Variants in ATP13A4 observed in about 807,000 individuals in gnomAD.
ATP13A4 encodes probable cation-transporting ATPase 13A4.
A neutral mutation model predicts 142.5 loss-of-function variants in ATP13A4; 114 were observed. The observed-to-expected ratio is 0.80, with a 90% CI of 0.69 to 0.93. The LOEUF is 0.93. Ranked by LOEUF, ATP13A4 falls within the 40% of genes least tolerant of loss-of-function variation. The pLI is 0.00. For synonymous variants in ATP13A4, 488 were observed against 514.8 expected, an observed-to-expected ratio of 0.95 and a Z score of 0.70; for missense variants, 1,392 against 1,454.0, an observed-to-expected ratio of 0.96 and a Z score of 0.69.
chr3:193,550,293 G>A (rs1723474014), intron 1 of ATP13A4, among the ~76,000 whole-genome samples: 1 of 151,256 alleles, frequency 6.6e-6, no homozygotes, highest in South Asian at 2.1e-4. Flanking sequence ...GTTAGAAAGT[G>A]GTGAATTTTA....
intron 15 of ATP13A4, 27 bp downstream of exon 15, chr3:193,457,352 G>C: frequency 6.2e-7 from 1 of 1,611,008 alleles, no homozygotes; most frequent in Non-Finnish European, 8.5e-7. Context: ...TTTGGGTGTT[G>C]TGGGGTGAAG....
intron 3 of ATP13A4, among the ~76,000 whole-genome samples, chr3:193,499,440 T>C (rs1035919128): frequency 3.3e-5 from 5 of 152,366 alleles, no homozygotes; most frequent in African/African-American, 4.8e-5. Flanking sequence ...CTACTATTTT[T>C]TGGGCATGTT....
intron 7 of ATP13A4, among the ~76,000 whole-genome samples, chr3:193,487,795 A>G (rs1460551127): frequency 6.6e-6 from 1 of 152,210 alleles, no homozygotes; most frequent in Admixed American, 6.5e-5. Flanking sequence ...GTATATGTAT[A>G]TATAGATGCA....
intron 2 of ATP13A4, among the ~76,000 whole-genome samples, chr3:193,573,267 A>ATATATATG (rs1724310786): frequency 1.0e-5 from 1 of 97,930 alleles, no homozygotes; most frequent in African/African-American, 5.0e-5. Context: ...AGCCATATAT[A>ATATATATG]TATATATACA....
chr3:193,438,355 C>T (rs1432566877), intron 23 of ATP13A4, 120 bp downstream of exon 23: 6 of 830,208 alleles, frequency 7.2e-6, no homozygotes, highest in Non-Finnish European at 1.2e-5. Flanking sequence ...TGCATTCTTC[C>T]ACAAAACACC....
intron 21 of ATP13A4, 82 bp downstream of exon 21, chr3:193,440,476 G>C (rs556168404): frequency 1.9e-6 from 3 of 1,599,206 alleles, no homozygotes; most frequent in South Asian, 1.1e-5. Flanking sequence ...GTCAAACTGA[G>C]TGACTCCTGG....
intron 18 of ATP13A4, among the ~76,000 whole-genome samples, chr3:193,444,223 A>T (rs1716814097): frequency 6.6e-6 from 1 of 152,228 alleles, no homozygotes; most frequent in African/African-American, 2.4e-5. Flanking sequence ...ACTTCAAATT[A>T]TCACAGATTT....
chr3:193,511,336 A>G (rs34637642), intron 2 of ATP13A4, among the ~76,000 whole-genome samples: 18,630 of 152,164 alleles, frequency 0.12, 1,374 homozygotes, highest in Non-Finnish European at 0.16. Flanking sequence ...TCTTTCCAGT[A>G]TATGTCCATT....
chr3:193,408,929 T>C (rs1365286817), intron 28 of ATP13A4, among the ~76,000 whole-genome samples: 1 of 152,230 alleles, frequency 6.6e-6, no homozygotes, highest in Middle Eastern at 3.2e-3. Flanking sequence ...ACTTGTCATC[T>C]ACATCTCAGA....
rs1409532639 is a variant in ATP13A4, at chr3:193,402,857, A to G, written c.3386T>C (p.Val1129Ala). ...CATCCACAGGGCTCGATTTTCAATA[A>G]CAGCCTCCTGCAAAATAAAATAATT... ...FIVSLVAEEAVIENRALWMMI... is the reference protein window; with the variant it reads ...FIVSLVAEEAAIENRALWMMI... The change falls in exon 30 of 30, where the codon GTT (valine) becomes GCT (alanine). Residue 1129 changes from valine (V) to alanine (A), a missense_variant. Val to Ala is a moderately conservative substitution (Grantham distance 64). Transcript: ENST00000342695. The G allele has an allele frequency of 2.7e-5, 43 of 1,613,856 alleles. No homozygotes were observed. Among genetic ancestry groups the G allele is most frequent in the Non-Finnish European group, 3.6e-5 (43 of 1,179,924 alleles).
At chr3:193,470,696 C>A (rs1718567333) in intron 9 of ATP13A4, among the ~76,000 whole-genome samples, 163 bp downstream of exon 9, 1 of 152,150 alleles carries the variant, frequency 6.6e-6, no homozygotes, top group South Asian at 2.1e-4. Flanking sequence ...GATCCATTCG[C>A]AGCAGGACTA....
At chr3:193,533,566 G>GA (rs375371918) in intron 1 of ATP13A4, among the ~76,000 whole-genome samples, 46 of 150,522 alleles carry the variant, frequency 3.1e-4, no homozygotes, top group African/African-American at 1.0e-3. Flanking sequence ...GCAGACCAAA[G>GA]AAAAAAAAAG....
Position 193,433,887 on chromosome 3 carries a change from G to A in ATP13A4, c.2800C>T (p.Leu934=), listed in dbSNP as rs574172304. 2.5e-6 allele frequency: 4 copies of A among 1,613,920 alleles called. No individual in the cohort carries two copies. The South Asian group carries it at 3.3e-5, about 13-fold the overall frequency. The change falls in exon 25 of 30, where the codon CTG becomes TTG. Residue 934 remains leucine, a synonymous_variant. Transcript: ENST00000342695. Reference sequence around the variant, plus strand: ...GTTGTAATGGCCAGATCCTGGAACAGAAACTGGTAATTTGAAAGGCTGTTT... The same window carrying A: ...GTTGTAATGGCCAGATCCTGGAACAAAAACTGGTAATTTGAAAGGCTGTTT... ...ETNSLSNYQF[L]FQDLAITTLI...
intron 2 of ATP13A4, among the ~76,000 whole-genome samples, chr3:193,571,278 C>CAAACAAAAAAAAAAA (rs771881194): frequency 1.0e-5 from 1 of 95,724 alleles, no homozygotes; most frequent in African/African-American, 5.0e-5. Flanking sequence ...GACCTTGTCT[C>CAAACAAAAAAAAAAA]AAAAAAAAAA....
chr3:193,568,149 C>T (rs901366692), intron 2 of ATP13A4, among the ~76,000 whole-genome samples: 26 of 151,912 alleles, frequency 1.7e-4, no homozygotes, highest in African/African-American at 5.6e-4. Flanking sequence ...TTAGTAGAGA[C>T]GGGTTTTCAC....
intron 23 of ATP13A4, 29 bp from the exon 24 acceptor site, chr3:193,435,773 T>C (rs1996735): frequency 0.77 from 1,203,669 of 1,570,332 alleles, 462,772 homozygotes; most frequent in Admixed American, 0.79. Context: ...GATAAAGACA[T>C]GAAAGTAATG....
In ATP13A4 at chr3:193,587,469, A is replaced by G. The variant is rs907945930; in HGVS notation, n.91+5552T>C. Among the ~76,000 whole-genome samples, 3 of 152,222 alleles carry G rather than the reference A, an allele frequency of 2.0e-5. No homozygotes were observed. The East Asian group carries it at 5.8e-4, about 29-fold the overall frequency. The stretch of plus-strand genomic sequence containing the variant: ...CATTTAGGGCCTACCTAGATAATCT[A>G]GTATAATCTCCCCATCTCAATATCC... On this transcript the variant is annotated intron_variant and non_coding_transcript_variant, in intron 1 of 3. Transcript: ENST00000489140.
chr3:193,538,596 C>T (rs931569355), intron 1 of ATP13A4, among the ~76,000 whole-genome samples: 1 of 151,570 alleles, frequency 6.6e-6, no homozygotes, highest in Non-Finnish European at 1.5e-5. Context: ...TTCAATGCCA[C>T]TCAGCCCAGG....
Position 193,535,350 on chromosome 3 carries a change from A to C in ATP13A4, c.60+19390T>G, listed in dbSNP as rs181434064. Among the ~76,000 whole-genome samples, 3 of 152,308 alleles carry C rather than the reference A, an allele frequency of 2.0e-5. No homozygotes were observed. The East Asian group carries it at 5.8e-4, about 29-fold the overall frequency. The stretch of plus-strand genomic sequence containing the variant: ...TCATATAACATCTTCTCCAACCAGA[A>C]TAGAACTGGAAATCAATAACAGAAA... On this transcript the variant is annotated intron_variant, in intron 1 of 29. Transcript: ENST00000342695.
Sources: gnomAD v4.1 joint callset for allele counts (sites outside exome capture counted in the v4.1 genomes callset) on GRCh38, gnomAD v4.1.1 for gene constraint, MANE v1.5 for transcripts, NCBI Gene and HGNC (gene_info 2026-07-23, HGNC 2026-07-21) for gene names.